The following CORO7 variants were observed in gnomAD, a reference collection of about 807,000 sequenced individuals.
CORO7 encodes coronin-7.
A neutral mutation model predicts 126.6 loss-of-function variants in CORO7; 107 were observed. The ratio of observed to expected loss-of-function variants is 0.85; its 90% CI spans 0.72 to 0.99. CORO7 has a LOEUF of 0.99. Among genes scored for constraint, CORO7 ranks in the 50% least tolerant of loss-of-function variants. CORO7 has a pLI of 0.00. For synonymous variants in CORO7, 603 were observed against 536.8 expected, an observed-to-expected ratio of 1.12 and a Z score of -1.70; for missense variants, 1,314 against 1,255.8, an observed-to-expected ratio of 1.05 and a Z score of -0.70.
At position 4,361,218 on chromosome 16, in the gene CORO7, C is replaced by T. The variant is rs778091848; in HGVS notation, c.1718G>A (p.Arg573Gln). The change falls in exon 18 of 28, where the codon CGG becomes CAG. Residue 573 changes from arginine (R) to glutamine (Q), a missense_variant. By Grantham distance (43) the Arg-to-Gln change is conservative. Coordinates refer to ENST00000251166, the MANE Select transcript of CORO7 (RefSeq NM_024535.5). Reference sequence around the variant, plus strand: ...CTCTTCCAGGCCCTCTGCGGGTACCCGCCACAGTCGGATCCTGGCGTCCTC... The same window carrying T: ...CTCTTCCAGGCCCTCTGCGGGTACCTGCCACAGTCGGATCCTGGCGTCCTC... ...AGEDARIRLW[R>Q]VPAEGLEEVL... is the part of the protein sequence containing the mutation. 22 of 1,612,594 alleles carry T rather than the reference C, an allele frequency of 1.4e-5. No individual in the cohort carries two copies. The highest frequency in any genetic ancestry group is 1.6e-4 in the Middle Eastern group (1 of 6,076).
intron 16 of CORO7, 41 bp from the exon 17 acceptor site, chr16:4,361,510 G>T: frequency 6.2e-7 from 1 of 1,601,376 alleles, no homozygotes; most frequent in Non-Finnish European, 8.5e-7. Context: ...TCAGTACCAG[G>T]CAGAAAAGCC....
intron 5 of CORO7, 107 bp from the exon 6 acceptor site, chr16:4,405,674 G>A (rs3747580): frequency 0.73 from 1,004,756 of 1,371,720 alleles, 369,973 homozygotes; most frequent in Non-Finnish European, 0.75. Context: ...CAGCAGCTAC[G>A]AGGGTCCTTT....
intron 9 of CORO7, 118 bp from the exon 10 acceptor site, chr16:4,365,663 C>A: frequency 1.5e-6 from 2 of 1,346,570 alleles, no homozygotes; most frequent in Non-Finnish European, 2.0e-6. Context: ...GGCCATCCAG[C>A]CATGTTCAGC....
At chr16:4,388,284 C>T (rs1206268285) in intron 8 of CORO7, among the ~76,000 whole-genome samples, 1 of 152,172 alleles carries the variant, frequency 6.6e-6, no homozygotes, top group Non-Finnish European at 1.5e-5. Flanking sequence ...GGATGAGGGG[C>T]GGTTCCCTCT....
At chr16:4,359,764 C>T in intron 21 of CORO7, 143 bp from the exon 22 acceptor site, 1 of 1,086,208 alleles carries the variant, frequency 9.2e-7, no homozygotes, top group Non-Finnish European at 1.3e-6. Flanking sequence ...ACATCCTAAC[C>T]TGCCCCTCCA....
At chr16:4,380,075 A>G (rs1302145521) in intron 9 of CORO7, among the ~76,000 whole-genome samples, 2 of 149,698 alleles carry the variant, frequency 1.3e-5, no homozygotes, top group African/African-American at 2.5e-5. Flanking sequence ...AAAAAAAAAA[A>G]GTAGATGAAT....
chr16:4,393,859 G>T (rs2055482589), intron 7 of CORO7, among the ~76,000 whole-genome samples: 1 of 151,972 alleles, frequency 6.6e-6, no homozygotes, highest in Non-Finnish European at 1.5e-5. Context: ...CCAGCACTTT[G>T]GCAGGCCGAG....
At chr16:4,401,255 C>T (rs764485202) in intron 6 of CORO7, among the ~76,000 whole-genome samples, 4 of 152,172 alleles carry the variant, frequency 2.6e-5, no homozygotes, top group Non-Finnish European at 4.4e-5. Flanking sequence ...AAGGAACTTG[C>T]TGGTGTGTGG....
chr16:4,398,794 T>G (rs1025559729), intron 6 of CORO7, among the ~76,000 whole-genome samples: 1 of 151,524 alleles, frequency 6.6e-6, no homozygotes, highest in African/African-American at 2.4e-5. Context: ...ATAGTGAAAC[T>G]CCGTCTCTAC....
chr16:4,382,271 C>T lies in CORO7; in HGVS notation c.785+5715G>A, dbSNP rs1351875580. 2 of 1,608,868 alleles carry T rather than the reference C, an allele frequency of 1.2e-6. No individual in the cohort carries two copies. Among genetic ancestry groups the T allele is most frequent in the Admixed American group, 3.4e-5 (2 of 59,612 alleles). On this transcript the variant is annotated intron_variant, in intron 9 of 27. Transcript: ENST00000251166. ...ACGCCGAGGCCACCACGGTCCCTGACCCTGGGCATCGAGCCGGTGAGCCCC... is the reference window on the plus strand; with the variant it reads ...ACGCCGAGGCCACCACGGTCCCTGATCCTGGGCATCGAGCCGGTGAGCCCC...
Position 4,388,108 on chromosome 16 carries a change from C to T in CORO7, c.703-40G>A, listed in dbSNP as rs1458090818. The T allele has an allele frequency of 3.1e-6, 5 of 1,590,110 alleles. No individual in the cohort carries two copies. In the East Asian group the frequency reaches 9.3e-5, roughly 29 times the overall value. On this transcript the variant is annotated intron_variant, in intron 8 of 27. Transcript: ENST00000251166. Reference sequence around the variant, plus strand: ...AGAGAGGGGCTCAGAGGGGCCTGTCCCTCAGCCCCACCCGGGGGGCTCCCA... The same window carrying T: ...AGAGAGGGGCTCAGAGGGGCCTGTCTCTCAGCCCCACCCGGGGGGCTCCCA...
At chr16:4,359,743 G>C in intron 21 of CORO7, 122 bp from the exon 22 acceptor site, 4 of 1,298,798 alleles carry the variant, frequency 3.1e-6, no homozygotes, top group Non-Finnish European at 4.1e-6. Context: ...GTGTGGCCCG[G>C]CACCGCAGCC....
chr16:4,409,008 G>A (rs544016639), intron 3 of CORO7, among the ~76,000 whole-genome samples: 3 of 152,132 alleles, frequency 2.0e-5, no homozygotes, highest in African/African-American at 7.2e-5. Context: ...CCAGAGGTGG[G>A]GAGGGGTAGG....
At chr16:4,390,464 C>T (rs771616769) in intron 7 of CORO7, among the ~76,000 whole-genome samples, 1 of 152,300 alleles carries the variant, frequency 6.6e-6, no homozygotes, top group East Asian at 1.9e-4. Flanking sequence ...TGAGGGAAGA[C>T]CTAGCGTCAT....
In CORO7 at chr16:4,361,367, C is replaced by T. The variant is rs148746257; in HGVS notation, c.1681G>A (p.Ala561Thr). ...AWDPFDPHRL[A>T]VAGEDARIRL... is the part of the protein sequence containing the mutation. ...AGGCACCCAGCCTCCTTACCCACAG[C>T]GAGGCGATGGGGGTCAAAGGGGTCC... is the stretch of plus-strand genomic sequence containing the variant. Residue 561 changes from alanine (A) to threonine (T), a missense_variant, in exon 17 of 28, where the codon GCT (alanine) becomes ACT (threonine). By Grantham distance (58) the Ala-to-Thr change is moderately conservative (BLOSUM62 0). Transcript: ENST00000251166. 4.2e-5 allele frequency: 67 copies of T among 1,611,946 alleles called. No individual in the cohort carries two copies. The highest frequency in any genetic ancestry group is 2.5e-4 in the East Asian group (11 of 44,874).
At chr16:4,395,508 A>G (rs927236627) in intron 6 of CORO7, among the ~76,000 whole-genome samples, 169 bp from the exon 7 acceptor site, 10 of 152,114 alleles carry the variant, frequency 6.6e-5, no homozygotes, top group African/African-American at 2.4e-4. Context: ...CCTCCTCCTC[A>G]GCACAGCAGC....
intron 9 of CORO7, among the ~76,000 whole-genome samples, chr16:4,369,241 G>A (rs549651019): frequency 4.9e-4 from 74 of 152,378 alleles, no homozygotes; most frequent in East Asian, 1.9e-4. Context: ...GCCGTGGCAC[G>A]GGCCAAGAAA....
chr16:4,399,526 T>C (rs1399992120), intron 6 of CORO7, among the ~76,000 whole-genome samples: 1 of 152,142 alleles, frequency 6.6e-6, no homozygotes, highest in African/African-American at 2.4e-5. Flanking sequence ...GTTTAATGGG[T>C]ATAGAGTTTC....
rs936807009 is a variant in CORO7, at chr16:4,364,382, C to T, written c.1169G>A (p.Arg390Gln). ...VQKVSLNPAC[R>Q]PHPSFTSCLV... ...ACAGGAAGTGAAGCTCGGGTGGGGC[C>T]GGCAGGCGGGGTTGAGGCTGACCTT... Residue 390 changes from arginine (R) to glutamine (Q), a missense_variant, in exon 14 of 28, where the codon CGG becomes CAG. Coordinates refer to ENST00000251166, the MANE Select transcript of CORO7 (RefSeq NM_024535.5). 1.8e-5 allele frequency: 27 copies of T among 1,514,516 alleles called. No individual in the cohort carries two copies. In the Admixed American group the frequency reaches 2.2e-4, roughly 13 times the overall value. 93.8% of individuals were successfully genotyped at this position (1,514,516 alleles called of 1,614,324 possible).
Sources: gnomAD v4.1 joint callset for allele counts (sites outside exome capture counted in the v4.1 genomes callset) on GRCh38, gnomAD v4.1.1 for gene constraint, MANE v1.5 for transcripts, NCBI Gene and HGNC (gene_info 2026-07-23, HGNC 2026-07-21) for gene names.